The following GRM4 variants were observed in gnomAD, a reference collection of about 807,000 sequenced individuals.
GRM4 encodes the protein metabotropic glutamate receptor 4.
Under a neutral mutation model 81.7 loss-of-function variants are expected in GRM4, and 28 were observed. The observed-to-expected ratio is 0.34, with a 90% CI of 0.25 to 0.47. The LOEUF is 0.47. GRM4 is among the 20% of genes least tolerant of loss of function. The pLI, the probability that GRM4 is intolerant of heterozygous loss-of-function variation, is 1.00. For missense variants in GRM4, 948 were observed against 1,290.0 expected (o/e 0.73, Z 4.06); for synonymous variants, 488 against 528.8 (o/e 0.92, Z 1.06).
intron 3 of GRM4, among the ~76,000 whole-genome samples, chr6:34,071,583 C>T (rs1462908511): frequency 1.1e-4 from 12 of 112,572 alleles, no homozygotes; most frequent in East Asian, 2.6e-4. Flanking sequence ...CACACACACA[C>T]ATCACCACAC....
At chr6:34,104,539 A>T (rs1299470085) in intron 2 of GRM4, among the ~76,000 whole-genome samples, 2 of 152,198 alleles carry the variant, frequency 1.3e-5, no homozygotes, top group African/African-American at 4.8e-5. Flanking sequence ...ACAGGATGAC[A>T]CAGCAAGTGG....
chr6:34,066,375 CAT>C (rs958125856), intron 3 of GRM4, among the ~76,000 whole-genome samples: 5 of 152,268 alleles, frequency 3.3e-5, no homozygotes, highest in Admixed American at 3.3e-4. Flanking sequence ...TAACAGTTCT[CAT>C]GTGTCAACAT....
intron 3 of GRM4, among the ~76,000 whole-genome samples, chr6:34,077,465 T>G (rs922805583): frequency 1.3e-5 from 2 of 152,034 alleles, no homozygotes; most frequent in East Asian, 3.9e-4. Flanking sequence ...GCCCCACACC[T>G]GCCACACAAA....
Position 34,135,984 on chromosome 6 carries a change from G to GT in GRM4, c.-363-2126_-363-2125insA, listed in dbSNP as rs753597580. Among the ~76,000 whole-genome samples the GT allele has an allele frequency of 7.2e-5, 11 of 152,324 alleles. No homozygotes were observed. In the South Asian group the frequency reaches 2.3e-3, roughly 32 times the overall value. On this transcript the variant is annotated intron_variant, in intron 1 of 10. Transcript: ENST00000538487. ...AGAGTCGGCTACTAGCCCGTGTGCA[G>GT]GCAGGGGGCAGAGATGCTAACTGGC...
chr6:34,095,451 G>C (rs555389457), intron 2 of GRM4, among the ~76,000 whole-genome samples: 1 of 147,762 alleles, frequency 6.8e-6, no homozygotes, highest in Admixed American at 7.0e-5. Flanking sequence ...AAAAAAACTT[G>C]GGCAAGTTAC....
In GRM4 at chr6:34,070,426, G is replaced by A. The variant is rs1289545167; in HGVS notation, c.737-8398C>T. Among the ~76,000 whole-genome samples the A allele has an allele frequency of 1.3e-5, 2 of 152,114 alleles. No homozygotes were observed. Among genetic ancestry groups the A allele is most frequent in the Admixed American group, 1.3e-4 (2 of 15,278 alleles). On this transcript the variant is annotated intron_variant, in intron 3 of 10. Coordinates refer to ENST00000538487, the MANE Select transcript of GRM4 (RefSeq NM_000841.4). The surrounding 1 kb of genome is among the most constrained non-coding windows in gnomAD (Gnocchi z 4.6). ...AAGTGAAGAAAGGTGCATGCTGGCT[G>A]TGCAAAGGCACCGGGTCACAAGGGC...
chr6:34,044,277 T>TACACACACAC (rs764242535), intron 6 of GRM4, among the ~76,000 whole-genome samples: 8 of 99,426 alleles, frequency 8.0e-5, no homozygotes, highest in African/African-American at 2.9e-4. Context: ...CATATACACA[T>TACACACACAC]ACACACACAC....
chr6:34,051,762 T>G (rs752784225), intron 6 of GRM4, among the ~76,000 whole-genome samples: 14 of 152,266 alleles, frequency 9.2e-5, no homozygotes, highest in Non-Finnish European at 1.9e-4. Context: ...AAGTGCTTCC[T>G]GCAGATAAGC....
In GRM4 at chr6:34,035,351, A is replaced by C. The variant is rs1764633642; in HGVS notation, c.2442+317T>G. 6.7e-6 allele frequency among the ~76,000 whole-genome samples: 1 copy of C among 149,790 alleles called. No homozygotes were observed. Among genetic ancestry groups the C allele is most frequent in the Admixed American group, 6.6e-5 (1 of 15,038 alleles). ...CAGGGGGAGGATGGAAAGAGGGAGT[A>C]AAGTGGGGCTGAAGGAGACAAAAGG... On this transcript the variant is annotated intron_variant, in intron 9 of 10. Coordinates refer to ENST00000538487, the MANE Select transcript of GRM4 (RefSeq NM_000841.4). The surrounding 1 kb of genome is among the most constrained non-coding windows in gnomAD (Gnocchi z 6.6).
intron 2 of GRM4, chr6:34,101,979 G>T: frequency 2.0e-6 from 3 of 1,531,934 alleles, no homozygotes; most frequent in Admixed American, 3.9e-5. Context: ...ACTGCCACCT[G>T]TGCCCTAGTG....
chr6:34,147,050 C>T (rs555233219), upstream of GRM4, among the ~76,000 whole-genome samples: 16 of 152,328 alleles, frequency 1.1e-4, no homozygotes, highest in South Asian at 8.3e-4. Context: ...TGAACGGTAG[C>T]GTAAGCTCAA....
intron 6 of GRM4, among the ~76,000 whole-genome samples, chr6:34,052,237 G>A (rs1284430847): frequency 6.6e-6 from 1 of 152,220 alleles, no homozygotes; most frequent in African/African-American, 2.4e-5. Flanking sequence ...TGAGAGGTCT[G>A]TTCCTCTGTC....
intron 2 of GRM4, among the ~76,000 whole-genome samples, chr6:34,108,025 A>T (rs1297489054): frequency 3.3e-5 from 5 of 152,202 alleles, no homozygotes; most frequent in African/African-American, 1.2e-4. Flanking sequence ...GGCCAAGCCC[A>T]TTCCTTCAAG....
At chr6:34,113,737 C>A (rs1769479573) in intron 2 of GRM4, among the ~76,000 whole-genome samples, 1 of 152,160 alleles carries the variant, frequency 6.6e-6, no homozygotes, top group African/African-American at 2.4e-5. Context: ...GAGCAGGGTG[C>A]AGCTGAAGGC....
At chr6:34,125,060 G>A (rs1769970620) in intron 2 of GRM4, among the ~76,000 whole-genome samples, 1 of 151,970 alleles carries the variant, frequency 6.6e-6, no homozygotes, top group Non-Finnish European at 1.5e-5. Context: ...TGCAAGCTCC[G>A]CCTCCCGGGT....
At chr6:34,081,117 G>T (rs1767572691) in intron 3 of GRM4, among the ~76,000 whole-genome samples, 2 of 152,180 alleles carry the variant, frequency 1.3e-5, no homozygotes, top group African/African-American at 4.8e-5. Flanking sequence ...GGAGGACTCA[G>T]TCTTCCCACC....
In GRM4 at chr6:34,040,206, C is replaced by G; in HGVS notation, c.1478G>C (p.Gly493Ala). 1 of 1,614,168 alleles carries G rather than the reference C, an allele frequency of 6.2e-7. No homozygotes were observed. The highest frequency in any genetic ancestry group is 8.5e-7 in the Non-Finnish European group (1 of 1,179,970). ...AAGGTGCAGGTGGTCAGTCCAGGAG[C>G]CAATGACCTTGTACTCGGCAGAATC... ...RNDSAEYKVI[G>A]SWTDHLHLRI... The change falls in exon 8 of 11, where the codon GGC (glycine) becomes GCC (alanine). Residue 493 changes from glycine to alanine, a missense_variant. Gly to Ala is a moderately conservative substitution (Grantham distance 60). Coordinates refer to ENST00000538487, the MANE Select transcript of GRM4 (RefSeq NM_000841.4).
Position 34,034,529 on chromosome 6 carries a change from G to C in GRM4, c.2442+1139C>G, listed in dbSNP as rs1022750122. On this transcript the variant is annotated intron_variant, in intron 9 of 10. Coordinates refer to ENST00000538487, the MANE Select transcript of GRM4 (RefSeq NM_000841.4). The surrounding 1 kb of genome is among the most constrained non-coding windows in gnomAD (Gnocchi z 4.0). ...CCTCACCTGCTCAGAAGCCTGCAGCGGCCTCTCTTCTCACTCATGGTAAAA... is the reference window on the plus strand; with the variant it reads ...CCTCACCTGCTCAGAAGCCTGCAGCCGCCTCTCTTCTCACTCATGGTAAAA... Among the ~76,000 whole-genome samples the C allele has an allele frequency of 2.6e-5, 4 of 152,184 alleles. No individual in the cohort carries two copies. The highest frequency in any genetic ancestry group is 9.7e-5 in the African/African-American group (4 of 41,446).
intron 2 of GRM4, among the ~76,000 whole-genome samples, chr6:34,131,542 G>A (rs1268298278): frequency 6.6e-6 from 1 of 152,106 alleles, no homozygotes; most frequent in Non-Finnish European, 1.5e-5. Context: ...AATGGCAAAA[G>A]TCCTGCCCCA....
Sources: gnomAD v4.1 joint callset for allele counts (sites outside exome capture counted in the v4.1 genomes callset) on GRCh38, gnomAD v4.1.1 for gene constraint, Gnocchi (gnomAD v3.1) non-coding constraint, MANE v1.5 for transcripts, NCBI Gene and HGNC (gene_info 2026-07-23, HGNC 2026-07-21) for gene names.